The following GMPR variants were observed in gnomAD, a reference collection of about 807,000 sequenced individuals.
GMPR encodes guanosine monophosphate reductase.
GMPR carries 31 observed loss-of-function variants against 38.4 expected under a neutral mutation model. The observed-to-expected ratio is 0.81, with a 90% confidence interval of 0.61 to 1.09. GMPR has a LOEUF of 1.09. Among genes scored for constraint, GMPR ranks in the 50% least tolerant of loss-of-function variants. The pLI, the probability that GMPR is intolerant of heterozygous loss-of-function variation, is 0.00. For synonymous variants in GMPR, 162 were observed against 173.3 expected (o/e 0.93, Z 0.51); for missense variants, 468 against 453.7 (o/e 1.03, Z -0.29).
At chr6:16,282,772 A>C (rs72653740) in intron 6 of GMPR, among the ~76,000 whole-genome samples, 1 of 148,536 alleles carries the variant, frequency 6.7e-6, no homozygotes, top group Non-Finnish European at 1.5e-5. Context: ...TTGTTTTTTC[A>C]TTGTCAGTAT....
At chr6:16,270,086 T>A (rs1759352643) in intron 4 of GMPR, among the ~76,000 whole-genome samples, 1 of 152,246 alleles carries the variant, frequency 6.6e-6, no homozygotes, top group Admixed American at 6.5e-5. Flanking sequence ...ACACTTTAAT[T>A]TTGGAGGGAC....
intron 1 of GMPR, among the ~76,000 whole-genome samples, chr6:16,246,224 T>C (rs1758752865): frequency 1.3e-5 from 2 of 152,176 alleles, no homozygotes; most frequent in Non-Finnish European, 2.9e-5. Context: ...TAGTCCTACA[T>C]GCCCCGATCT....
intron 7 of GMPR, chr6:16,290,213 C>A: frequency 2.1e-6 from 1 of 485,314 alleles, no homozygotes; most frequent in Non-Finnish European, 3.8e-6. Flanking sequence ...TCAGCATGGT[C>A]CAGTATATGG....
At chr6:16,259,219 C>T (rs971245862) in intron 4 of GMPR, 3 of 151,896 alleles carry the variant, frequency 2.0e-5, no homozygotes, top group Non-Finnish European at 4.4e-5. Flanking sequence ...GAGTAGGGGT[C>T]ACAAGGTGCT....
intron 6 of GMPR, among the ~76,000 whole-genome samples, 170 bp from the exon 7 acceptor site, chr6:16,285,623 G>T (rs911988453): frequency 6.6e-6 from 1 of 152,202 alleles, no homozygotes; most frequent in Non-Finnish European, 1.5e-5. Context: ...ATATTGAGGG[G>T]AGTACACTCG....
chr6:16,278,990 GA>G lies in GMPR; in HGVS notation c.654+101del, dbSNP rs1759528941. On this transcript the variant is annotated intron_variant, in intron 6 of 8. Coordinates refer to ENST00000259727, the MANE Select transcript of GMPR (RefSeq NM_006877.4). Reference sequence around the variant, plus strand: ...CTGGGCATCCTGTGGGCATGGGAGGGAGCTGGGCACTGCGGTCACAGCGCTG... The same window carrying G: ...CTGGGCATCCTGTGGGCATGGGAGGGGCTGGGCACTGCGGTCACAGCGCTG... The G allele has an allele frequency of 4.5e-5, 33 of 727,602 alleles. No individual in the cohort carries two copies. The South Asian group carries it at 5.7e-4, about 12-fold the overall frequency. 45.1% of individuals were successfully genotyped at this position (727,602 alleles called of 1,614,324 possible). A position where few individuals can be genotyped will look rare whatever the true frequency, so the allele number is the denominator to read the frequency against.
intron 2 of GMPR, among the ~76,000 whole-genome samples, chr6:16,249,105 C>T (rs1405660712): frequency 6.6e-6 from 1 of 151,654 alleles, no homozygotes; most frequent in African/African-American, 2.4e-5. Flanking sequence ...TCTCCGTAGT[C>T]AGATCCAAGT....
rs113051288 is a variant in GMPR, at chr6:16,240,905, C to G, written c.87+2125C>G. On this transcript the variant is annotated intron_variant, in intron 1 of 8. Coordinates refer to ENST00000259727, the MANE Select transcript of GMPR (RefSeq NM_006877.4). ...CAGCATTGCCTTTCTAATCGGTTGC[C>G]GTGATGGTTTAGCTCCCTGATGCGT... is the stretch of plus-strand genomic sequence containing the variant. 8.9e-4 allele frequency among the ~76,000 whole-genome samples: 136 copies of G among 152,106 alleles called. 2 individuals carry two copies. The highest frequency in any genetic ancestry group is 2.9e-3 in the African/African-American group (122 of 41,502).
At chr6:16,294,948 TG>T (rs985298786) in intron 8 of GMPR, 57 bp from the exon 9 acceptor site, 2 of 1,374,644 alleles carry the variant, frequency 1.5e-6, no homozygotes, top group African/African-American at 1.4e-5. Context: ...TAATTCTAAT[TG>T]GGCTCTTAAG....
chr6:16,267,929 G>A lies in GMPR; in HGVS notation c.466-6486G>A, dbSNP rs532839979. On this transcript the variant is annotated intron_variant, in intron 4 of 8. Coordinates refer to ENST00000259727, the MANE Select transcript of GMPR (RefSeq NM_006877.4). Reference sequence around the variant, plus strand: ...CCTGACATTTCCATGCATGACTGATGGCTCATTGGCCTGCCCACATTCTTT... The same window carrying A: ...CCTGACATTTCCATGCATGACTGATAGCTCATTGGCCTGCCCACATTCTTT... Among the ~76,000 whole-genome samples the A allele has an allele frequency of 1.8e-4, 27 of 152,350 alleles. 1 individual carries two copies. Among genetic ancestry groups the A allele is most frequent in the South Asian group, 2.1e-4 (1 of 4,830 alleles).
At chr6:16,280,712 A>G (rs1220569312) in intron 6 of GMPR, among the ~76,000 whole-genome samples, 6 of 152,194 alleles carry the variant, frequency 3.9e-5, no homozygotes, top group African/African-American at 1.4e-4. Flanking sequence ...ACAAATCAAC[A>G]TTCCGGGACC....
At chr6:16,249,385 G>A (rs1373569375) in intron 2 of GMPR, among the ~76,000 whole-genome samples, 1 of 152,066 alleles carries the variant, frequency 6.6e-6, no homozygotes, top group Non-Finnish European at 1.5e-5. Context: ...AGTCAGGCTG[G>A]TTTTGAACTC....
In GMPR at chr6:16,295,214, G is replaced by T; in HGVS notation, c.*28G>T. ...CTGGGGACAAAGCAGCGTCTGGCTCGAGTGGAAGCGTCCAAACCTGCTTTT... is the reference window on the plus strand; with the variant it reads ...CTGGGGACAAAGCAGCGTCTGGCTCTAGTGGAAGCGTCCAAACCTGCTTTT... On this transcript the variant is annotated 3_prime_UTR_variant, in exon 9 of 9. Transcript: ENST00000259727. 1 of 1,471,754 alleles carries T rather than the reference G, an allele frequency of 6.8e-7. No homozygotes were observed. Among genetic ancestry groups the T allele is most frequent in the Non-Finnish European group, 9.0e-7 (1 of 1,112,920 alleles). 91.2% of individuals were successfully genotyped at this position (1,471,754 alleles called of 1,614,324 possible).
At chr6:16,294,693 G>C (rs183849184) in intron 8 of GMPR, among the ~76,000 whole-genome samples, 3 of 152,350 alleles carry the variant, frequency 2.0e-5, no homozygotes, top group Admixed American at 6.5e-5. Context: ...CGTTGCTGGA[G>C]AGAATGGCAC....
At chr6:16,289,574 T>A (rs183518312) in intron 7 of GMPR, 1 of 152,326 alleles carries the variant, frequency 6.6e-6, no homozygotes, top group East Asian at 1.9e-4. Context: ...ATTCGGTGAT[T>A]AGTCTGGCAG....
intron 4 of GMPR, chr6:16,258,145 C>T (rs1418934493): frequency 6.6e-6 from 1 of 152,180 alleles, no homozygotes; most frequent in African/African-American, 2.4e-5. Flanking sequence ...AGGGCACATG[C>T]TCTGAGAACT....
At chr6:16,290,380 C>A (rs2113348020) in intron 7 of GMPR, 82 bp from the exon 8 acceptor site, 3 of 1,273,448 alleles carry the variant, frequency 2.4e-6, no homozygotes, top group African/African-American at 1.5e-5. Context: ...GTGAACTGGG[C>A]AAGCACTGGG....
intron 4 of GMPR, among the ~76,000 whole-genome samples, chr6:16,266,028 G>T (rs1424097969): frequency 6.6e-6 from 1 of 151,906 alleles, no homozygotes; most frequent in African/African-American, 2.4e-5. Context: ...TGGCTTCACT[G>T]CTGAAGTCAG....
At chr6:16,284,135 AAC>A (rs1369997830) in intron 6 of GMPR, among the ~76,000 whole-genome samples, 1 of 152,238 alleles carries the variant, frequency 6.6e-6, no homozygotes, top group Admixed American at 6.5e-5. Context: ...ATGTATGAAT[AAC>A]ACATTTGATT....
Sources: gnomAD v4.1 joint callset for allele counts (sites outside exome capture counted in the v4.1 genomes callset) on GRCh38, gnomAD v4.1.1 for gene constraint, MANE v1.5 for transcripts, NCBI Gene and HGNC (gene_info 2026-07-23, HGNC 2026-07-21) for gene names.